The following CHST8 variants were observed in gnomAD, a reference collection of about 807,000 sequenced individuals.
CHST8 encodes GALNAC-4-ST1.
In CHST8, 10 loss-of-function variants were observed where a neutral mutation model predicts 15.0. The observed-to-expected ratio is 0.67, with a 90% CI of 0.41 to 1.13. The LOEUF is 1.13. Among genes scored for constraint, CHST8 ranks in the 50% most tolerant of loss-of-function variants. The pLI is 0.00. For synonymous variants in CHST8, 259 were observed against 256.6 expected, an observed-to-expected ratio of 1.01 and a Z score of -0.09; for missense variants, 634 against 608.2, an observed-to-expected ratio of 1.04 and a Z score of -0.45.
intron 3 of CHST8, among the ~76,000 whole-genome samples, chr19:33,756,140 A>G (rs886170361): frequency 2.6e-5 from 4 of 152,236 alleles, no homozygotes; most frequent in Non-Finnish European, 5.9e-5. Flanking sequence ...GGATTGCCTT[A>G]GAAGACTTCA....
At chr19:33,742,012 G>A (rs1317515926) in intron 3 of CHST8, among the ~76,000 whole-genome samples, 1 of 152,112 alleles carries the variant, frequency 6.6e-6, no homozygotes, top group Admixed American at 6.5e-5. Context: ...GTATCAGGGT[G>A]CAATGGCAAC....
intron 2 of CHST8, among the ~76,000 whole-genome samples, chr19:33,671,611 A>G (rs903350142): frequency 6.6e-6 from 1 of 151,636 alleles, no homozygotes; most frequent in African/African-American, 2.4e-5. Context: ...GGGCCCTTGC[A>G]CAGCTGATTC....
intron 3 of CHST8, among the ~76,000 whole-genome samples, chr19:33,757,596 GAAAGA>G (rs1974626686): frequency 7.0e-6 from 1 of 142,608 alleles, no homozygotes; most frequent in African/African-American, 2.6e-5. Flanking sequence ...AAGAAAGAAA[GAAAGA>G]AAGAGCCGGC....
rs764745128 is a variant in CHST8, at chr19:33,772,610, C to T, written c.822C>T (p.His274=). 1.9e-6 allele frequency: 3 copies of T among 1,614,076 alleles called. No individual in the cohort carries two copies. The highest frequency in any genetic ancestry group is 1.1e-5 in the South Asian group (1 of 91,082). The part of the protein sequence containing the change: ...LVSAFRDKFE[H]PNSYYHPVFG... ...CCGCCTTCCGCGACAAGTTTGAGCACCCCAACAGCTACTATCACCCGGTCT... is the reference window on the plus strand; with the variant it reads ...CCGCCTTCCGCGACAAGTTTGAGCATCCCAACAGCTACTATCACCCGGTCT... Residue 274 remains histidine (H), a synonymous_variant, in exon 5 of 5, where the codon CAC becomes CAT. Transcript: ENST00000650847.
At position 33,730,770 on chromosome 19, in the gene CHST8, T is replaced by C. The variant is rs151176224; in HGVS notation, c.131-40643T>C. Among the ~76,000 whole-genome samples, 821 of 152,312 alleles carry C rather than the reference T, an allele frequency of 5.4e-3. 5 individuals carry two copies. Among genetic ancestry groups the C allele is most frequent in the Non-Finnish European group, 9.1e-3 (619 of 68,018 alleles). On this transcript the variant is annotated intron_variant, in intron 3 of 4. Coordinates refer to ENST00000650847, the MANE Select transcript of CHST8 (RefSeq NM_001127895.2). ...ATTCCACAATAGGCCGTCTGCAAGC[T>C]GAGGAGCAAGGAAGCCAGTCTGAGT... is the stretch of plus-strand genomic sequence containing the variant.
intron 3 of CHST8, among the ~76,000 whole-genome samples, chr19:33,769,430 C>G (rs1218783517): frequency 6.6e-6 from 1 of 152,140 alleles, no homozygotes; most frequent in Non-Finnish European, 1.5e-5. Context: ...TTTAGCAGAG[C>G]CAGCTGCCAT....
intron 3 of CHST8, among the ~76,000 whole-genome samples, chr19:33,692,521 G>A (rs1973116081): frequency 6.6e-6 from 1 of 152,104 alleles, no homozygotes; most frequent in African/African-American, 2.4e-5. Context: ...AACATAGCAA[G>A]ACCCTGTCTC....
chr19:33,726,537 C>CAATAAT lies in CHST8; in HGVS notation c.130+37161_130+37166dup, dbSNP rs372932705. On this transcript the variant is annotated intron_variant, in intron 3 of 4. Transcript: ENST00000650847. ...TGGGTGACAGAGCAAGACCCTGTCT[C>CAATAAT]AATAATAATAATAATAATAAAAGTG... Among the ~76,000 whole-genome samples the CAATAAT allele has an allele frequency of 1.4e-3, 218 of 151,824 alleles. 2 individuals are homozygous for CAATAAT. Among genetic ancestry groups the CAATAAT allele is most frequent in the African/African-American group, 4.9e-3 (201 of 41,398 alleles).
intron 3 of CHST8, among the ~76,000 whole-genome samples, chr19:33,722,119 G>A (rs1973811390): frequency 6.6e-6 from 1 of 150,966 alleles, no homozygotes; most frequent in Non-Finnish European, 1.5e-5. Flanking sequence ...ATGAAGGGAT[G>A]GATGGATAGA....
intron 3 of CHST8, among the ~76,000 whole-genome samples, chr19:33,729,943 G>C (rs1180331097): frequency 6.6e-6 from 1 of 152,188 alleles, no homozygotes; most frequent in Non-Finnish European, 1.5e-5. Flanking sequence ...CAGTCTGAAA[G>C]AAAAACATCG....
Position 33,670,625 on chromosome 19 carries a change from C to T in CHST8, c.-87+2782C>T, listed in dbSNP as rs936452933. 1.6e-4 allele frequency among the ~76,000 whole-genome samples: 24 copies of T among 152,272 alleles called. No individual in the cohort carries two copies. In the East Asian group the frequency reaches 2.9e-3, roughly 18 times the overall value. On this transcript the variant is annotated intron_variant, in intron 2 of 4. Transcript: ENST00000650847. The stretch of plus-strand genomic sequence containing the variant: ...AGTTTCTGGAAGCCCTTTCCAGGAG[C>T]GTCACATTTTTCTGTGGGTCTGCCT...
rs184428408 is a variant in CHST8 at position 33,676,322 on chromosome 19, C to T, written c.-87+8479C>T. 2.5e-3 allele frequency among the ~76,000 whole-genome samples: 384 copies of T among 152,284 alleles called. 1 individual carries two copies. The highest frequency in any genetic ancestry group is 8.9e-3 in the African/African-American group (370 of 41,564). ...CAGTGGCTTATGTCTGTAATCCTAG[C>T]CCTTTGAGAAGCTGAGGCAGGCGGA... On this transcript the variant is annotated intron_variant, in intron 2 of 4. Transcript: ENST00000650847.
chr19:33,730,242 G>A (rs1171550033), intron 3 of CHST8, among the ~76,000 whole-genome samples: 1 of 152,214 alleles, frequency 6.6e-6, no homozygotes, highest in Non-Finnish European at 1.5e-5. Flanking sequence ...AAAATGACAT[G>A]CTCTGCCTTC....
chr19:33,728,971 T>A (rs116714416), intron 3 of CHST8, among the ~76,000 whole-genome samples: 2,936 of 152,286 alleles, frequency 0.019, 88 homozygotes, highest in African/African-American at 0.066. Flanking sequence ...TCCTGCGGGA[T>A]GGGCTTGGAA....
At position 33,637,654 on chromosome 19, in the gene CHST8, G is replaced by A. The variant is rs1198648219; in HGVS notation, c.-164+15358G>A. Among the ~76,000 whole-genome samples the A allele has an allele frequency of 3.4e-5, 5 of 147,812 alleles. No individual in the cohort carries two copies. The South Asian group carries it at 8.7e-4, about 26-fold the overall frequency. ...CATGACCTTGTGATCTGCCTGCCTC[G>A]GCCTCCCAAAGTGCTGGGATTACAG... On this transcript the variant is annotated intron_variant, in intron 1 of 4. Coordinates refer to ENST00000650847, the MANE Select transcript of CHST8 (RefSeq NM_001127895.2).
chr19:33,624,317 A>G (rs1972023376), intron 1 of CHST8, among the ~76,000 whole-genome samples: 1 of 152,138 alleles, frequency 6.6e-6, no homozygotes. Flanking sequence ...GGGAGAGGAG[A>G]GCAGGCTCGT....
At chr19:33,690,500 G>A (rs1429606057) in intron 3 of CHST8, among the ~76,000 whole-genome samples, 6 of 152,194 alleles carry the variant, frequency 3.9e-5, no homozygotes, top group Non-Finnish European at 8.8e-5. Context: ...GGTGAAAAGA[G>A]CACAAGGAGG....
chr19:33,649,578 G>A (rs979378571), intron 1 of CHST8, among the ~76,000 whole-genome samples: 1 of 152,154 alleles, frequency 6.6e-6, no homozygotes, highest in African/African-American at 2.4e-5. Flanking sequence ...AGGGGGGTCT[G>A]GACGCATACA....
intron 1 of CHST8, among the ~76,000 whole-genome samples, chr19:33,665,881 G>T (rs533129123): frequency 2.0e-5 from 3 of 152,350 alleles, no homozygotes; most frequent in South Asian, 2.1e-4. Flanking sequence ...GCTCTGGGCA[G>T]GCAGCAGACA....
Sources: gnomAD v4.1 joint callset for allele counts (sites outside exome capture counted in the v4.1 genomes callset) on GRCh38, gnomAD v4.1.1 for gene constraint, MANE v1.5 for transcripts, NCBI Gene and HGNC (gene_info 2026-07-23, HGNC 2026-07-21) for gene names.